SPAG9: variants seen among roughly 807,000 people sequenced by gnomAD.
The protein encoded by SPAG9 is C-Jun-amino-terminal kinase-interacting protein 4.
In SPAG9, 35 loss-of-function variants were observed where a neutral mutation model predicts 166.5. That is an observed-to-expected ratio of 0.21 (90% CI 0.16 to 0.28). The LOEUF (loss-of-function observed/expected upper bound fraction) is 0.28. Among genes scored for constraint, SPAG9 ranks in the 10% least tolerant of loss-of-function variants. The pLI, the probability that SPAG9 is intolerant of heterozygous loss-of-function variation, is 1.00. For missense variants in SPAG9, 1,235 were observed against 1,603.3 expected (o/e 0.77, Z 3.92); for synonymous variants, 534 against 565.5 (o/e 0.94, Z 0.79).
chr17:51,110,118 CTG>C (rs1193637353), intron 1 of SPAG9, among the ~76,000 whole-genome samples: 3 of 152,032 alleles, frequency 2.0e-5, no homozygotes, highest in Admixed American at 2.0e-4. Context: ...ATCATAATGT[CTG>C]TAATTTAAAT....
intron 5 of SPAG9, among the ~76,000 whole-genome samples, chr17:51,038,370 G>A (rs1244827204): frequency 6.6e-6 from 1 of 152,164 alleles, no homozygotes; most frequent in Admixed American, 6.5e-5. Context: ...AATGGAGAAG[G>A]AATGGTGAAG....
intron 8 of SPAG9, among the ~76,000 whole-genome samples, chr17:51,015,235 G>A (rs1453613988): frequency 6.6e-6 from 1 of 152,060 alleles, no homozygotes; most frequent in Admixed American, 6.6e-5. Context: ...TTAGGGAGGA[G>A]GTCAATATGC....
At chr17:51,091,372 A>G (rs960319898) in intron 1 of SPAG9, among the ~76,000 whole-genome samples, 3 of 152,178 alleles carry the variant, frequency 2.0e-5, no homozygotes, top group East Asian at 1.9e-4. Context: ...GCATGACTTT[A>G]TAAGTTGGTC....
At chr17:51,020,115 G>T (rs2045882252) in intron 8 of SPAG9, 44 bp downstream of exon 8, 1 of 1,149,858 alleles carries the variant, frequency 8.7e-7, no homozygotes, top group Non-Finnish European at 1.3e-6. Context: ...TGGGAGTTGG[G>T]GGTGGGGGGC....
rs996315563 is a variant in SPAG9, at chr17:50,980,041, T to C, written c.3238-124A>G. 3.8e-6 allele frequency: 3 copies of C among 793,062 alleles called. No homozygotes were observed. In the African/African-American group the frequency reaches 5.2e-5, roughly 14 times the overall value. 49.1% of individuals were successfully genotyped at this position (793,062 alleles called of 1,614,324 possible). On this transcript the variant is annotated intron_variant, in intron 25 of 29. Transcript: ENST00000262013. Reference sequence around the variant, plus strand: ...AAGCCCAAATATTATATATTAAACATGATTACTCTTATATACACAATTGTT... The same window carrying C: ...AAGCCCAAATATTATATATTAAACACGATTACTCTTATATACACAATTGTT...
chr17:51,031,375 ATTT>A (rs769786485), intron 6 of SPAG9: 136 of 366,314 alleles, frequency 3.7e-4, no homozygotes, highest in Non-Finnish European at 4.6e-5. Flanking sequence ...TGAAGAAGGT[ATTT>A]CTGGAAAGTA....
chr17:50,982,704 C>T, intron 24 of SPAG9, 32 bp from the exon 25 acceptor site: 1 of 1,552,756 alleles, frequency 6.4e-7, no homozygotes, highest in South Asian at 1.2e-5. Flanking sequence ...ATAGTAAATA[C>T]ATACCACCTG....
chr17:50,980,019 C>T (rs1974477433), intron 25 of SPAG9, 102 bp from the exon 26 acceptor site: 1 of 983,100 alleles, frequency 1.0e-6, no homozygotes, highest in African/African-American at 1.6e-5. Context: ...AAAAGACAAG[C>T]CCAAATATTA....
At chr17:50,981,514 AT>A (rs1276725276) in intron 25 of SPAG9, among the ~76,000 whole-genome samples, 7 of 149,512 alleles carry the variant, frequency 4.7e-5, no homozygotes, top group East Asian at 1.9e-4. Flanking sequence ...AGATAGATAG[AT>A]AGATAGATAG....
At chr17:51,118,949 G>T (rs572950362) in intron 1 of SPAG9, among the ~76,000 whole-genome samples, 30 of 148,408 alleles carry the variant, frequency 2.0e-4, no homozygotes, top group Non-Finnish European at 3.4e-4. Flanking sequence ...CACAAGAATC[G>T]CTTGAACCCG....
At chr17:50,991,108 T>C (rs949493393) in intron 19 of SPAG9, among the ~76,000 whole-genome samples, 1 of 151,676 alleles carries the variant, frequency 6.6e-6, no homozygotes, top group Non-Finnish European at 1.5e-5. Flanking sequence ...GGTTTCGGTA[T>C]GTTGGTCAGG....
chr17:51,076,075 AC>A (rs1391878478), intron 2 of SPAG9, among the ~76,000 whole-genome samples: 14 of 151,988 alleles, frequency 9.2e-5, no homozygotes, highest in Non-Finnish European at 1.9e-4. Flanking sequence ...AGCCTGGGTG[AC>A]AAAGCAAGAC....
chr17:51,095,960 T>TATATATAGTG lies in SPAG9; in HGVS notation c.304-16257_304-16256insCACTATATAT, dbSNP rs1290726429. ...AGTGATATAGTTATATATATAGTGATATATATATATAGTGATATATATATA... is the reference window on the plus strand; with the variant it reads ...AGTGATATAGTTATATATATAGTGATATATATAGTGATATATATATAGTGATATATATATA... On this transcript the variant is annotated intron_variant, in intron 1 of 29. Coordinates refer to ENST00000262013, the MANE Select transcript of SPAG9 (RefSeq NM_001130528.3). Among the ~76,000 whole-genome samples the TATATATAGTG allele has an allele frequency of 1.3e-4, 10 of 79,932 alleles. 1 individual carries two copies. Among genetic ancestry groups the TATATATAGTG allele is most frequent in the Admixed American group, 1.2e-3 (10 of 8,456 alleles). 52.4% of individuals were successfully genotyped at this position (79,932 alleles called of 152,430 possible). A position where few individuals can be genotyped will look rare whatever the true frequency, so the allele number is the denominator to read the frequency against.
At position 51,007,311 on chromosome 17, in the gene SPAG9, A is replaced by G; in HGVS notation, c.1229T>C (p.Val410Ala). 1 of 1,582,850 alleles carries G rather than the reference A, an allele frequency of 6.3e-7. No individual in the cohort carries two copies. Among genetic ancestry groups the G allele is most frequent in the Non-Finnish European group, 8.6e-7 (1 of 1,160,630 alleles). Residue 410 changes from valine to alanine, a missense_variant, in exon 10 of 30, where the codon GTT becomes GCT. By Grantham distance (64) the Val-to-Ala change is moderately conservative. Transcript: ENST00000262013. ...TGTATTTTCTAATATAAGATTCTCAACTTCCCGACCCATTCCTATCAAACG... is the reference window on the plus strand; with the variant it reads ...TGTATTTTCTAATATAAGATTCTCAGCTTCCCGACCCATTCCTATCAAACG... The part of the protein sequence containing the change: ...GADLLGMGRE[V>A]ENLILENTQL...
At chr17:51,024,360 TATTA>T (rs1344054295) in intron 6 of SPAG9, among the ~76,000 whole-genome samples, 4 of 152,206 alleles carry the variant, frequency 2.6e-5, no homozygotes, top group Non-Finnish European at 5.9e-5. Context: ...ATATTGTACA[TATTA>T]ATTATAATAT....
At chr17:51,101,806 G>A (rs2144738985) in intron 1 of SPAG9, among the ~76,000 whole-genome samples, 1 of 151,964 alleles carries the variant, frequency 6.6e-6, no homozygotes, top group East Asian at 1.9e-4. Flanking sequence ...TGTATTTTTA[G>A]TAGAGACGGG....
chr17:51,019,072 A>G (rs2045823002), intron 8 of SPAG9, among the ~76,000 whole-genome samples: 1 of 152,166 alleles, frequency 6.6e-6, no homozygotes, highest in African/African-American at 2.4e-5. Context: ...TAGAATAATG[A>G]GGCTTTATCC....
chr17:50,988,700 C>A (rs1303434713), intron 21 of SPAG9, among the ~76,000 whole-genome samples: 1 of 152,098 alleles, frequency 6.6e-6, no homozygotes, highest in Non-Finnish European at 1.5e-5. Flanking sequence ...ACCATAGGTG[C>A]ACGCTACCAC....
chr17:50,967,335 C>T (rs1330533104), intron 29 of SPAG9, among the ~76,000 whole-genome samples: 1 of 151,436 alleles, frequency 6.6e-6, no homozygotes, highest in Non-Finnish European at 1.5e-5. Context: ...TTGTAATGTG[C>T]CCCATGTGAA....
Sources: allele counts gnomAD v4.1 joint callset (sites outside exome capture counted in the v4.1 genomes callset), GRCh38; gene constraint gnomAD v4.1.1; transcripts MANE v1.5; gene names NCBI Gene and HGNC (gene_info 2026-07-23, HGNC 2026-07-21).